The following TSEN2 variants were observed in gnomAD, a reference collection of about 807,000 sequenced individuals.
The protein encoded by TSEN2 is tRNA splicing endonuclease subunit 2.
TSEN2 carries 54 observed loss-of-function variants against 59.2 expected under a neutral mutation model. The ratio of observed to expected loss-of-function variants is 0.91; its 90% CI spans 0.73 to 1.14. The LOEUF (loss-of-function observed/expected upper bound fraction) is 1.14, where lower values mean the gene tolerates loss of function less well. Ranked by LOEUF, TSEN2 falls within the 50% of genes most tolerant of loss-of-function variation. The probability of loss-of-function intolerance (pLI) is 0.00; values close to 1 mark genes in which losing one functional copy is unlikely to be tolerated. For synonymous variants in TSEN2, 195 were observed against 198.2 expected (o/e 0.98, Z 0.14); for missense variants, 636 against 576.2 (o/e 1.10, Z -1.06).
chr3:12,530,157 C>G, intron 10 of TSEN2: 1 of 1,279,622 alleles, frequency 7.8e-7, no homozygotes, highest in Non-Finnish European at 9.9e-7. Flanking sequence ...GTAGGCATTG[C>G]TTCTCTTCCC....
intron 3 of TSEN2, 104 bp downstream of exon 3, chr3:12,492,321 G>A: frequency 1.0e-6 from 1 of 982,296 alleles, no homozygotes; most frequent in East Asian, 2.5e-5. Context: ...GAAGTAACAT[G>A]TACACTGGCA....
intron 6 of TSEN2, among the ~76,000 whole-genome samples, chr3:12,516,190 C>A (rs944645776): frequency 6.6e-6 from 1 of 151,900 alleles, no homozygotes; most frequent in African/African-American, 2.4e-5. Flanking sequence ...TTTGGGAGGC[C>A]GAGGCAGGTG....
rs181157536 is a variant in TSEN2 at position 12,527,090 on chromosome 3, A to G, written c.1100-1798A>G. ...CCCAAGTTCACTTTTGTTCCAGTAC[A>G]TGGTTTCTTTCCAGTACACTCCATC... On this transcript the variant is annotated intron_variant, in intron 8 of 11. Transcript: ENST00000284995. 2.6e-5 allele frequency among the ~76,000 whole-genome samples: 4 copies of G among 152,356 alleles called. No homozygotes were observed. In the East Asian group the frequency reaches 5.8e-4, roughly 22 times the overall value.
At chr3:12,497,233 G>A (rs2053844076) in intron 4 of TSEN2, among the ~76,000 whole-genome samples, 1 of 152,128 alleles carries the variant, frequency 6.6e-6, no homozygotes, top group Non-Finnish European at 1.5e-5. Flanking sequence ...CACACTTTGT[G>A]GTCCCTTGGT....
chr3:12,539,143 T>C (rs1324194128), intron 10 of TSEN2: 1 of 445,742 alleles, frequency 2.2e-6, no homozygotes, highest in South Asian at 1.6e-5. Flanking sequence ...TTTTCTTTTT[T>C]TTTTTCTTGT....
At chr3:12,509,697 C>G (rs1369326592) in intron 6 of TSEN2, among the ~76,000 whole-genome samples, 2 of 152,182 alleles carry the variant, frequency 1.3e-5, no homozygotes, top group Non-Finnish European at 2.9e-5. Flanking sequence ...CATTCCAGGT[C>G]TAATCCTTTG....
chr3:12,516,402 A>G (rs1056214468), intron 6 of TSEN2, among the ~76,000 whole-genome samples: 2 of 151,598 alleles, frequency 1.3e-5, no homozygotes, highest in Admixed American at 6.6e-5. Context: ...TCCAGCCTGG[A>G]CGACAGAGTG....
At chr3:12,525,372 A>G (rs1026501755) in intron 8 of TSEN2, among the ~76,000 whole-genome samples, 6 of 152,244 alleles carry the variant, frequency 3.9e-5, no homozygotes, top group Non-Finnish European at 7.3e-5. Context: ...CATAAGTACC[A>G]TAAGTGATAC....
upstream of TSEN2, among the ~76,000 whole-genome samples, chr3:12,482,857 C>T (rs1360666041): frequency 6.6e-6 from 1 of 152,234 alleles, no homozygotes; most frequent in Non-Finnish European, 1.5e-5. Flanking sequence ...ATTACAGCCT[C>T]TCTTCAGCTG....
At chr3:12,529,914 T>C (rs764005258) in intron 10 of TSEN2, 41 bp downstream of exon 10, 1 of 1,589,390 alleles carries the variant, frequency 6.3e-7, no homozygotes, top group South Asian at 1.2e-5. Context: ...GTCACTTAAA[T>C]GGTTCAGTTT....
At chr3:12,493,305 G>A (rs1029353187) in intron 3 of TSEN2, among the ~76,000 whole-genome samples, 5 of 152,192 alleles carry the variant, frequency 3.3e-5, no homozygotes, top group African/African-American at 7.2e-5. Context: ...TGGGTCATAT[G>A]ATAATTGTCT....
rs2052416682 is a variant in TSEN2 at position 12,484,764 on chromosome 3, C to T, written c.-134C>T. The T allele has an allele frequency of 6.6e-6, 1 of 152,226 alleles. No individual in the cohort carries two copies. Among genetic ancestry groups the T allele is most frequent in the South Asian group, 2.1e-4 (1 of 4,828 alleles). The allele number at this position is 152,226 out of a possible 1,614,324, so 9.4% of individuals were successfully genotyped here. ...CCTTGGTTCTTGGAAACGCCGGCGC[C>T]TTGTTCAGGGCTGGTGGGGCTGGGG... On this transcript the variant is annotated 5_prime_UTR_variant, in exon 1 of 12. Transcript: ENST00000284995.
intron 4 of TSEN2, among the ~76,000 whole-genome samples, chr3:12,500,387 C>A (rs2054177626): frequency 2.0e-5 from 3 of 152,148 alleles, no homozygotes; most frequent in Admixed American, 2.0e-4. Flanking sequence ...TCATAGCGAT[C>A]CTCTGAGACC....
rs147074350 is a variant in TSEN2 at position 12,510,060 on chromosome 3, T to C, written c.909+4829T>C. ...TTGATACTGAAGATTCTAAGATTGT[T>C]GTATGACTTTCAATTAATTATTTTA... On this transcript the variant is annotated intron_variant, in intron 6 of 11. Coordinates refer to ENST00000284995, the MANE Select transcript of TSEN2 (RefSeq NM_025265.4). Among the ~76,000 whole-genome samples, 9 of 152,366 alleles carry C rather than the reference T, an allele frequency of 5.9e-5. No homozygotes were observed. In the East Asian group the frequency reaches 1.2e-3, roughly 20 times the overall value.
At chr3:12,521,023 G>A (rs887643951) in intron 8 of TSEN2, among the ~76,000 whole-genome samples, 1 of 152,158 alleles carries the variant, frequency 6.6e-6, no homozygotes, top group African/African-American at 2.4e-5. Flanking sequence ...CCACTTACAA[G>A]TAAGAATATG....
chr3:12,519,992 C>T (rs569971718), intron 8 of TSEN2, among the ~76,000 whole-genome samples: 27 of 151,790 alleles, frequency 1.8e-4, no homozygotes, highest in African/African-American at 5.6e-4. Context: ...GCAGTGGAGA[C>T]GCTTACTGTC....
chr3:12,528,965 C>T, intron 9 of TSEN2, 41 bp downstream of exon 9: 2 of 1,609,652 alleles, frequency 1.2e-6, no homozygotes, highest in Non-Finnish European at 1.7e-6. Flanking sequence ...GTTAAAGGGA[C>T]ACAAGGAATT....
chr3:12,510,572 A>C (rs376380035), intron 6 of TSEN2, among the ~76,000 whole-genome samples: 1 of 152,210 alleles, frequency 6.6e-6, no homozygotes, highest in African/African-American at 2.4e-5. Flanking sequence ...GCCTGACAGC[A>C]GCAGTCTCAG....
In TSEN2 at chr3:12,492,134, AG is replaced by A; in HGVS notation, c.191del. 1.2e-6 allele frequency: 2 copies of A among 1,613,418 alleles called. No homozygotes were observed. Among genetic ancestry groups the A allele is most frequent in the South Asian group, 1.1e-5 (1 of 91,064 alleles). On this transcript the variant is annotated splice_acceptor_variant, in intron 2 of 11. Transcript: ENST00000284995. LOFTEE classifies it high-confidence loss of function. ...TAACTTCATTTTCTCTCTTCCTGGA[AG>A]GGTTATTTTGGAAAAGGTATTCTTT...
Sources: gnomAD v4.1 joint callset for allele counts (sites outside exome capture counted in the v4.1 genomes callset) on GRCh38, gnomAD v4.1.1 for gene constraint, MANE v1.5 for transcripts, NCBI Gene and HGNC (gene_info 2026-07-23, HGNC 2026-07-21) for gene names.